SPMAP2L: variants seen among roughly 807,000 people sequenced by gnomAD.
The protein encoded by SPMAP2L is sperm microtubule associated protein 2 like.
chr4:56,575,936 A>G, the SPMAP2L span, among the ~76,000 whole-genome samples: 2 of 152,152 alleles, frequency 1.3e-5, no homozygotes, highest in African/African-American at 4.8e-5. Context: ...CAATTTGTGG[A>G]ATTTGTTCTC....
chr4:56,616,768 C>T, the SPMAP2L span, among the ~76,000 whole-genome samples: 1 of 152,096 alleles, frequency 6.6e-6, no homozygotes, highest in Non-Finnish European at 1.5e-5. Context: ...GGAGTCATTC[C>T]TTTTTTAAGA....
the SPMAP2L span, chr4:56,601,206 A>G: frequency 4.1e-6 from 5 of 1,231,338 alleles, no homozygotes; most frequent in South Asian, 6.4e-5. Context: ...GAGTTGTAGA[A>G]ATATGAAAAG....
chr4:56,534,545 A>G, the SPMAP2L span, among the ~76,000 whole-genome samples: 32,534 of 152,096 alleles, frequency 0.21, 3,772 homozygotes, highest in Admixed American at 0.3. Context: ...TTCCCAAATT[A>G]TCTCTAGCCT....
the SPMAP2L span, among the ~76,000 whole-genome samples, chr4:56,556,431 G>T: frequency 7.2e-5 from 11 of 152,208 alleles, no homozygotes; most frequent in African/African-American, 2.7e-4. Flanking sequence ...ACAAGAGGGG[G>T]ATAGGTTTGG....
the SPMAP2L span, among the ~76,000 whole-genome samples, chr4:56,612,670 C>T: frequency 3.3e-5 from 5 of 152,044 alleles, no homozygotes; most frequent in Non-Finnish European, 7.4e-5. Context: ...CGGGTTCAAG[C>T]GACTCTCCTA....
the SPMAP2L span, among the ~76,000 whole-genome samples, chr4:56,598,068 G>T: frequency 6.6e-6 from 1 of 152,212 alleles, no homozygotes; most frequent in South Asian, 2.1e-4. Context: ...TCACTATATT[G>T]CCCAGGCTGG....
chr4:56,543,926 ATGTGAGAGAGAGAGAGAGAGAGAGT>A, the SPMAP2L span, among the ~76,000 whole-genome samples: 1 of 57,944 alleles, frequency 1.7e-5, no homozygotes, highest in African/African-American at 6.5e-5. Flanking sequence ...GTGTGTGTGT[ATGTGAGAGAGAGAGAGAGAGAGAGT>A]GTGTGTGTGT....
chr4:56,587,519 C>T, the SPMAP2L span, among the ~76,000 whole-genome samples: 3 of 149,878 alleles, frequency 2.0e-5, no homozygotes, highest in Admixed American at 6.7e-5. Flanking sequence ...ATTCTTATGC[C>T]TTTGCGTCCT....
the SPMAP2L span, among the ~76,000 whole-genome samples, chr4:56,551,454 GT>G: frequency 2.6e-3 from 390 of 152,144 alleles, no homozygotes; most frequent in African/African-American, 9.2e-3. Context: ...CACATAGCAA[GT>G]TTAGTCCCTA....
At chr4:56,601,069 G>C in the SPMAP2L span, 1 of 1,535,218 alleles carries the variant, frequency 6.5e-7, no homozygotes, top group Non-Finnish European at 8.7e-7. Flanking sequence ...TCATTCCAAA[G>C]CATCACCTAG....
At chr4:56,543,244 A>C in the SPMAP2L span, among the ~76,000 whole-genome samples, 2 of 151,492 alleles carry the variant, frequency 1.3e-5, no homozygotes, top group Non-Finnish European at 2.9e-5. Context: ...CCACCACACC[A>C]GGCTAATATT....
At chr4:56,592,658 A>G in the SPMAP2L span, among the ~76,000 whole-genome samples, 1 of 152,058 alleles carries the variant, frequency 6.6e-6, no homozygotes. Context: ...GGCCGCGGCC[A>G]TGCAGTCCTG....
the SPMAP2L span, among the ~76,000 whole-genome samples, chr4:56,612,388 C>G: frequency 6.6e-6 from 1 of 152,050 alleles, no homozygotes; most frequent in Non-Finnish European, 1.5e-5. Context: ...GTTGCCCAGG[C>G]TGGAGTGCAG....
At chr4:56,591,987 AC>A in the SPMAP2L span, among the ~76,000 whole-genome samples, 1 of 152,172 alleles carries the variant, frequency 6.6e-6, no homozygotes. Flanking sequence ...GGGATCCCCA[AC>A]CCCTAGGCTG....
the SPMAP2L span, chr4:56,594,502 A>G: frequency 1.9e-6 from 3 of 1,608,246 alleles, no homozygotes; most frequent in Non-Finnish European, 2.6e-6. Context: ...GTTTCCAGCC[A>G]AACAGGGGAG....
chr4:56,574,269 A>G, the SPMAP2L span, among the ~76,000 whole-genome samples: 1 of 152,134 alleles, frequency 6.6e-6, no homozygotes, highest in Non-Finnish European at 1.5e-5. Flanking sequence ...ATATAAAAAA[A>G]TTAGCCCAGC....
the SPMAP2L span, among the ~76,000 whole-genome samples, chr4:56,601,428 G>T: frequency 3.9e-5 from 6 of 152,130 alleles, no homozygotes; most frequent in African/African-American, 1.4e-4. Flanking sequence ...AGACCACCCT[G>T]GGGAACATAG....
the SPMAP2L span, among the ~76,000 whole-genome samples, chr4:56,537,097 A>T: frequency 0.18 from 27,929 of 151,946 alleles, 3,258 homozygotes; most frequent in East Asian, 0.49. Context: ...TTAAACCTCT[A>T]GGCAGCATCT....
At chr4:56,600,108 T>C in the SPMAP2L span, among the ~76,000 whole-genome samples, 1 of 91,294 alleles carries the variant, frequency 1.1e-5, no homozygotes, top group Non-Finnish European at 2.6e-5. Flanking sequence ...TTTTTTTTTT[T>C]TTTTTTTTTT....
Sources: gnomAD v4.1 joint callset for allele counts (sites outside exome capture counted in the v4.1 genomes callset) on GRCh38, gnomAD v4.1.1 for gene constraint, MANE v1.5 for transcripts, NCBI Gene and HGNC (gene_info 2026-07-23, HGNC 2026-07-21) for gene names.